The following PTBP3 variants were observed in gnomAD, a reference collection of about 807,000 sequenced individuals.
The protein encoded by PTBP3 is polypyrimidine tract-binding protein 3.
PTBP3 carries 20 observed loss-of-function variants against 58.7 expected under a neutral mutation model. The ratio of observed to expected loss-of-function variants is 0.34; its 90% CI spans 0.24 to 0.50. The LOEUF (loss-of-function observed/expected upper bound fraction) is 0.50. PTBP3 is among the 20% of genes least tolerant of loss of function. PTBP3 has a pLI of 0.98. For missense variants in PTBP3, 509 were observed against 637.2 expected, an observed-to-expected ratio of 0.80 and a Z score of 2.17; for synonymous variants, 185 against 219.8, an observed-to-expected ratio of 0.84 and a Z score of 1.40.
intron 2 of PTBP3, among the ~76,000 whole-genome samples, chr9:112,293,498 T>C (rs533149300): frequency 1.3e-4 from 20 of 152,352 alleles, no homozygotes; most frequent in African/African-American, 4.8e-4. Context: ...CTCCTTCCCT[T>C]GTAAAGTAAT....
chr9:112,318,547 G>T (rs541970698), intron 1 of PTBP3, among the ~76,000 whole-genome samples: 1 of 152,118 alleles, frequency 6.6e-6, no homozygotes, highest in Admixed American at 6.5e-5. Flanking sequence ...ATCACTTGAG[G>T]TCAGGAGTTC....
chr9:112,290,664 T>G (rs969880954), intron 2 of PTBP3, among the ~76,000 whole-genome samples: 6 of 120,374 alleles, frequency 5.0e-5, no homozygotes, highest in Non-Finnish European at 3.4e-5. Flanking sequence ...AAAGTCAGAC[T>G]CTGTCTTTAA....
intron 1 of PTBP3, among the ~76,000 whole-genome samples, chr9:112,308,351 TAAAAAAAAAAAAA>T (rs58071863): frequency 3.0e-5 from 4 of 135,096 alleles, no homozygotes; most frequent in Admixed American, 7.4e-5. Flanking sequence ...TCCTTTTATT[TAAAAAAAAAAAAA>T]AAAAAAAAAA....
upstream of PTBP3, among the ~76,000 whole-genome samples, chr9:112,335,265 T>G (rs1314444809): frequency 7.0e-6 from 1 of 143,458 alleles, no homozygotes; most frequent in Admixed American, 7.3e-5. Flanking sequence ...CTTACTTTTT[T>G]TTGTTGTTTG....
the PTBP3 span, among the ~76,000 whole-genome samples, chr9:112,347,963 A>C: frequency 1.2e-4 from 19 of 152,278 alleles, no homozygotes; most frequent in Middle Eastern, 3.4e-3. Flanking sequence ...ATATCCACAA[A>C]ATTTAGCCTA....
Position 112,324,528 on chromosome 9 carries a change from T to C in PTBP3, c.-52+8942A>G, listed in dbSNP as rs181159397. 9.9e-5 allele frequency among the ~76,000 whole-genome samples: 15 copies of C among 152,264 alleles called. No individual in the cohort carries two copies. The East Asian group carries it at 2.7e-3, about 27-fold the overall frequency. Reference sequence around the variant, plus strand: ...AGCCAGGCATGGTGCTGCACACCTGTAGTCCCAGTTAGTTGGGTGCCTGAG... The same window carrying C: ...AGCCAGGCATGGTGCTGCACACCTGCAGTCCCAGTTAGTTGGGTGCCTGAG... On this transcript the variant is annotated intron_variant, in intron 1 of 13. Transcript: ENST00000374257.
At chr9:112,262,290 T>C in intron 5 of PTBP3, 145 bp downstream of exon 5, 1 of 660,460 alleles carries the variant, frequency 1.5e-6, no homozygotes, top group Non-Finnish European at 2.2e-6. Flanking sequence ...ACCTCTAATT[T>C]CTATGAAATT....
chr9:112,291,756 T>C (rs980108728), intron 2 of PTBP3, among the ~76,000 whole-genome samples: 5 of 152,094 alleles, frequency 3.3e-5, no homozygotes, highest in African/African-American at 1.2e-4. Flanking sequence ...GACCTGAAAC[T>C]ATAAAAGACC....
chr9:112,324,642 T>C (rs762885135), intron 1 of PTBP3, among the ~76,000 whole-genome samples: 2 of 145,526 alleles, frequency 1.4e-5, no homozygotes, highest in Non-Finnish European at 1.5e-5. Context: ...AGAGCGAGAC[T>C]ACCTCTTTTT....
At chr9:112,278,880 A>G (rs1052988481) in intron 2 of PTBP3, among the ~76,000 whole-genome samples, 6 of 152,198 alleles carry the variant, frequency 3.9e-5, no homozygotes, top group Admixed American at 2.0e-4. Flanking sequence ...TGTAATCAAT[A>G]ATACGTCTAG....
intron 7 of PTBP3, 54 bp from the exon 8 acceptor site, chr9:112,234,951 T>C: frequency 6.9e-7 from 1 of 1,450,754 alleles, no homozygotes; most frequent in Non-Finnish European, 9.6e-7. Flanking sequence ...AATATCGTTA[T>C]CAAAGCAATA....
chr9:112,332,275 G>A (rs75455342), intron 1 of PTBP3, among the ~76,000 whole-genome samples: 2,736 of 152,270 alleles, frequency 0.018, 45 homozygotes, highest in African/African-American at 0.042. Context: ...GTCTGTAGCA[G>A]TGTGCAATCT....
chr9:112,234,726 T>A, intron 8 of PTBP3, 94 bp downstream of exon 8: 1 of 1,209,536 alleles, frequency 8.3e-7, no homozygotes, highest in South Asian at 1.3e-5. Flanking sequence ...TATGGTAAAT[T>A]CTTCAAATAT....
intron 3 of PTBP3, among the ~76,000 whole-genome samples, chr9:112,274,800 A>T (rs1589852425): frequency 6.6e-6 from 1 of 152,244 alleles, no homozygotes; most frequent in Non-Finnish European, 1.5e-5. Flanking sequence ...TAAAGCAGGT[A>T]AATCCCCAAA....
At chr9:112,239,839 G>A (rs190064519) in intron 7 of PTBP3, among the ~76,000 whole-genome samples, 25 of 15,750 alleles carry the variant, frequency 1.6e-3, no homozygotes, top group African/African-American at 5.3e-3. Context: ...GGAAGGGAGG[G>A]AGGGAGGGAG....
In PTBP3 at chr9:112,325,943, AG is replaced by A. The variant is rs544075477; in HGVS notation, c.-52+7526del. ...CGAGGCAGGAGGATCACCTGAGCCC[AG>A]GAAGTTGAGACTGAGGTAAGCCTTG... On this transcript the variant is annotated intron_variant, in intron 1 of 13. Transcript: ENST00000374257. Among the ~76,000 whole-genome samples, 226 of 152,276 alleles carry A rather than the reference AG, an allele frequency of 1.5e-3. 1 individual carries two copies. The highest frequency in any genetic ancestry group is 5.1e-3 in the African/African-American group (212 of 41,562).
the PTBP3 span, among the ~76,000 whole-genome samples, chr9:112,346,522 A>G: frequency 1.1e-4 from 16 of 152,120 alleles, no homozygotes. Context: ...AAAAAAATGG[A>G]AGTTATTTTC....
At chr9:112,229,381 T>G (rs1189353182) in intron 10 of PTBP3, among the ~76,000 whole-genome samples, 1 of 151,894 alleles carries the variant, frequency 6.6e-6, no homozygotes, top group East Asian at 1.9e-4. Flanking sequence ...CTGGCCAACA[T>G]GGGGAAACCC....
intron 1 of PTBP3, among the ~76,000 whole-genome samples, chr9:112,324,487 T>C (rs1830077285): frequency 6.6e-6 from 1 of 152,122 alleles, no homozygotes. Flanking sequence ...ACTCTGTCTC[T>C]ACTAAATACA....
Sources: gnomAD v4.1 joint callset for allele counts (sites outside exome capture counted in the v4.1 genomes callset) on GRCh38, gnomAD v4.1.1 for gene constraint, MANE v1.5 for transcripts, NCBI Gene and HGNC (gene_info 2026-07-23, HGNC 2026-07-21) for gene names.